The following PITPNC1 variants were observed in gnomAD, a reference collection of about 807,000 sequenced individuals.
PITPNC1 encodes the protein cytoplasmic phosphatidylinositol transfer protein 1.
Under a neutral mutation model 44.7 loss-of-function variants are expected in PITPNC1, and 18 were observed. That is an observed-to-expected ratio of 0.40 (90% CI 0.28 to 0.60). The LOEUF (loss-of-function observed/expected upper bound fraction) is 0.60, where lower values mean the gene tolerates loss of function less well. Ranked by LOEUF, PITPNC1 falls within the 20% of genes least tolerant of loss-of-function variation. The pLI is 0.39. For synonymous variants in PITPNC1, 141 were observed against 149.6 expected (o/e 0.94, Z 0.42); for missense variants, 290 against 418.4 (o/e 0.69, Z 2.68).
chr17:67,675,569 G>T (rs369474786), intron 8 of PITPNC1, 27 bp downstream of exon 8: 1 of 1,481,890 alleles, frequency 6.7e-7, no homozygotes, highest in South Asian at 1.1e-5. Context: ...AAAATAACTT[G>T]TAGAACAACT....
At chr17:67,490,112 C>CTG (rs71354073) in intron 1 of PITPNC1, among the ~76,000 whole-genome samples, 3,469 of 144,854 alleles carry the variant, frequency 0.024, 50 homozygotes, top group African/African-American at 0.036. Context: ...ACAGGCTTTT[C>CTG]TGTGTGTGTG....
intron 1 of PITPNC1, among the ~76,000 whole-genome samples, chr17:67,452,315 G>T (rs751421712): frequency 1.3e-5 from 2 of 151,566 alleles, no homozygotes; most frequent in Admixed American, 6.6e-5. Context: ...CTGGCCAATA[G>T]CTGGTTCTTG....
intron 6 of PITPNC1, among the ~76,000 whole-genome samples, chr17:67,632,687 C>G (rs1418988358): frequency 1.3e-5 from 2 of 151,302 alleles, no homozygotes; most frequent in Admixed American, 1.3e-4. Flanking sequence ...CCTGCCTCAG[C>G]CTCCTGAGTA....
At chr17:67,600,252 GA>G (rs974173103) in intron 5 of PITPNC1, among the ~76,000 whole-genome samples, 30 of 151,564 alleles carry the variant, frequency 2.0e-4, no homozygotes, top group African/African-American at 6.8e-4. Flanking sequence ...TGGAGGTGGA[GA>G]AAAAAAAGCA....
intron 1 of PITPNC1, among the ~76,000 whole-genome samples, chr17:67,510,267 C>T (rs1017177935): frequency 6.6e-6 from 1 of 152,210 alleles, no homozygotes; most frequent in South Asian, 2.1e-4. Flanking sequence ...CACTGTCTTT[C>T]ACTCTGTCTG....
intron 1 of PITPNC1, among the ~76,000 whole-genome samples, chr17:67,486,262 A>T (rs1360741785): frequency 6.6e-6 from 1 of 152,176 alleles, no homozygotes; most frequent in African/African-American, 2.4e-5. Context: ...CTTGGGCTAT[A>T]TATATATAAT....
At chr17:67,520,702 C>T (rs1007269245) in intron 1 of PITPNC1, among the ~76,000 whole-genome samples, 4 of 152,146 alleles carry the variant, frequency 2.6e-5, no homozygotes, top group Admixed American at 6.5e-5. Flanking sequence ...CCACAGCCAA[C>T]GTATGAAGAA....
At position 67,579,647 on chromosome 17, in the gene PITPNC1, T is replaced by C. The variant is rs1485023757; in HGVS notation, c.366+1390T>C. Among the ~76,000 whole-genome samples the C allele has an allele frequency of 3.8e-5, 5 of 132,318 alleles. No homozygotes were observed. The East Asian group carries it at 9.1e-4, about 24-fold the overall frequency. 86.8% of individuals were successfully genotyped at this position (132,318 alleles called of 152,430 possible). ...TTTTTTTTTTTTTTTTTTTTTCTGATTAGAAAGCAGCCTGGGCGCGGTAGC... is the reference window on the plus strand; with the variant it reads ...TTTTTTTTTTTTTTTTTTTTTCTGACTAGAAAGCAGCCTGGGCGCGGTAGC... On this transcript the variant is annotated intron_variant, in intron 5 of 8. Transcript: ENST00000581322.
At chr17:67,544,120 G>A (rs957603337) in intron 2 of PITPNC1, among the ~76,000 whole-genome samples, 9 of 152,294 alleles carry the variant, frequency 5.9e-5, no homozygotes, top group African/African-American at 2.2e-4. Flanking sequence ...CAAAGTGCTG[G>A]GATTACAGGC....
intron 2 of PITPNC1, among the ~76,000 whole-genome samples, chr17:67,543,812 G>A (rs1276890905): frequency 1.3e-5 from 2 of 152,122 alleles, no homozygotes; most frequent in Non-Finnish European, 2.9e-5. Flanking sequence ...TGGTATATGA[G>A]TACTAATGCA....
At chr17:67,687,997 G>A (rs890590758) in intron 8 of PITPNC1, among the ~76,000 whole-genome samples, 1 of 149,220 alleles carries the variant, frequency 6.7e-6, no homozygotes, top group Non-Finnish European at 1.5e-5. Flanking sequence ...GAGTCCTCAT[G>A]TCCATTAGCC....
intron 1 of PITPNC1, among the ~76,000 whole-genome samples, chr17:67,473,447 G>A (rs1044744801): frequency 5.9e-4 from 89 of 151,810 alleles, no homozygotes; most frequent in Admixed American, 3.5e-3. Context: ...TCCTGCCTCA[G>A]CCTCCCGAGT....
intron 6 of PITPNC1, among the ~76,000 whole-genome samples, chr17:67,658,544 A>T (rs2042300462): frequency 6.6e-6 from 1 of 152,122 alleles, no homozygotes; most frequent in Admixed American, 6.6e-5. Flanking sequence ...TTCGCATAAT[A>T]AATTATACTC....
intron 1 of PITPNC1, chr17:67,471,536 C>A: frequency 2.7e-6 from 1 of 372,770 alleles, no homozygotes; most frequent in South Asian, 2.0e-5. Flanking sequence ...CCATTACTTT[C>A]AATGGCAAAA....
chr17:67,509,723 AAC>A (rs1329501580), intron 1 of PITPNC1, among the ~76,000 whole-genome samples: 6 of 152,122 alleles, frequency 3.9e-5, no homozygotes, highest in African/African-American at 1.4e-4. Context: ...ATGTTAGAAA[AAC>A]ACACTTTGGG....
intron 1 of PITPNC1, among the ~76,000 whole-genome samples, chr17:67,465,292 G>A (rs374862673): frequency 9.2e-5 from 14 of 152,334 alleles, no homozygotes; most frequent in East Asian, 1.9e-4. Flanking sequence ...GAAAGGGGAC[G>A]AAGGGAATGT....
At chr17:67,503,608 G>C (rs1255048575) in intron 1 of PITPNC1, among the ~76,000 whole-genome samples, 1 of 152,132 alleles carries the variant, frequency 6.6e-6, no homozygotes, top group Non-Finnish European at 1.5e-5. Context: ...AGCGTGCATG[G>C]GAGGAAAATC....
intron 6 of PITPNC1, among the ~76,000 whole-genome samples, chr17:67,636,261 G>A (rs1353209768): frequency 7.4e-6 from 1 of 135,024 alleles, no homozygotes; most frequent in Non-Finnish European, 1.5e-5. Flanking sequence ...CAGCCCAGGC[G>A]ACAGTGCGAG....
At chr17:67,595,533 A>G (rs1032206692) in intron 5 of PITPNC1, among the ~76,000 whole-genome samples, 3 of 151,990 alleles carry the variant, frequency 2.0e-5, no homozygotes, top group African/African-American at 4.8e-5. Context: ...TCCAATGGAC[A>G]TGATTTCAAA....
Sources: gnomAD v4.1 joint callset for allele counts (sites outside exome capture counted in the v4.1 genomes callset) on GRCh38, gnomAD v4.1.1 for gene constraint, MANE v1.5 for transcripts, NCBI Gene and HGNC (gene_info 2026-07-23, HGNC 2026-07-21) for gene names.